The following CACNA1D variants were observed in gnomAD, a reference collection of about 807,000 sequenced individuals.
The protein encoded by CACNA1D is voltage-dependent L-type calcium channel subunit alpha-1D.
CACNA1D carries 55 observed loss-of-function variants against 257.1 expected under a neutral mutation model. The observed-to-expected ratio is 0.21, with a 90% CI of 0.17 to 0.27. The LOEUF is 0.27. Among genes scored for constraint, CACNA1D ranks in the 10% least tolerant of loss-of-function variants. CACNA1D has a pLI of 1.00. For missense variants in CACNA1D, 1,876 were observed against 2,784.0 expected, an observed-to-expected ratio of 0.67 and a Z score of 7.34; for synonymous variants, 980 against 1,014.9, an observed-to-expected ratio of 0.97 and a Z score of 0.65.
intron 3 of CACNA1D, among the ~76,000 whole-genome samples, chr3:53,537,406 T>G (rs2092145428): frequency 6.6e-6 from 1 of 152,206 alleles, no homozygotes; most frequent in African/African-American, 2.4e-5. Context: ...CTGTATTATT[T>G]TGAAGCAAAT....
intron 3 of CACNA1D, among the ~76,000 whole-genome samples, chr3:53,554,113 G>A (rs1367127339): frequency 2.6e-5 from 4 of 151,516 alleles, no homozygotes; most frequent in South Asian, 2.1e-4. Context: ...GGAGAATGGC[G>A]TGAACCCGGG....
intron 4 of CACNA1D, 118 bp downstream of exon 4, chr3:53,651,036 G>A: frequency 1.1e-6 from 1 of 912,744 alleles, no homozygotes; most frequent in Non-Finnish European, 1.8e-6. Flanking sequence ...TATGCCAGCT[G>A]TTGCACCAGA....
Position 53,495,038 on chromosome 3 carries a change from CTG to C in CACNA1D, c.-128_-127del. ...TTTGTCCCCGTCCCTCCCCACCCCCCTGCTGAAGCGAGAATAAGGGCAGGGAC... is the reference window on the plus strand; with the variant it reads ...TTTGTCCCCGTCCCTCCCCACCCCCCCTGAAGCGAGAATAAGGGCAGGGAC... On this transcript the variant is annotated 5_prime_UTR_variant, in exon 1 of 48. Coordinates refer to ENST00000350061, the MANE Select transcript of CACNA1D (RefSeq NM_001128840.3). This position sits in a 1 kb window ranked among gnomAD's most constrained non-coding sequence, Gnocchi z 5.1. 1.9e-6 allele frequency: 1 copy of C among 540,504 alleles called. No individual in the cohort carries two copies. The highest frequency in any genetic ancestry group is 3.7e-6 in the Non-Finnish European group (1 of 273,746). The allele number at this position is 540,504 out of a possible 1,614,324, so 33.5% of individuals were successfully genotyped here. A position where few individuals can be genotyped will look rare whatever the true frequency, so the allele number is the denominator to read the frequency against.
At chr3:53,576,312 T>C (rs1300251075) in intron 3 of CACNA1D, among the ~76,000 whole-genome samples, 1 of 152,238 alleles carries the variant, frequency 6.6e-6, no homozygotes, top group African/African-American at 2.4e-5. Flanking sequence ...TAAAACAAAA[T>C]GGCAACCAAT....
At chr3:53,606,139 A>C (rs2093507102) in intron 3 of CACNA1D, among the ~76,000 whole-genome samples, 1 of 152,266 alleles carries the variant, frequency 6.6e-6, no homozygotes. Flanking sequence ...TGCTGAAATC[A>C]GCTTTGCAGT....
Position 53,731,095 on chromosome 3 carries a change from TAAAAAG to T in CACNA1D, c.2358_2363del (p.Lys786_Lys787del), listed in dbSNP as rs2094987437. 3 of 1,608,878 alleles carry T rather than the reference TAAAAAG, an allele frequency of 1.9e-6. No individual in the cohort carries two copies. The highest frequency in any genetic ancestry group is 4.5e-5 in the East Asian group (2 of 44,856). On this transcript the variant is annotated inframe_deletion, in exon 17 of 48. Transcript: ENST00000350061. ...TCTTTAGAAAAGAGAGCCTAGAAAA[TAAAAAG>T]AACAACAAACCAGAAGTCAACCAGA...
intron 8 of CACNA1D, among the ~76,000 whole-genome samples, chr3:53,700,382 A>G (rs1376854366): frequency 6.6e-6 from 1 of 152,180 alleles, no homozygotes; most frequent in Admixed American, 6.5e-5. Context: ...GATGTATTTA[A>G]GAAAACAGAT....
At chr3:53,784,608 C>T (rs369246810) in intron 39 of CACNA1D, among the ~76,000 whole-genome samples, 53 of 152,234 alleles carry the variant, frequency 3.5e-4, no homozygotes, top group African/African-American at 1.1e-3. Context: ...CTAGAAGCAT[C>T]AGGGTGGAAT....
intron 3 of CACNA1D, among the ~76,000 whole-genome samples, chr3:53,520,703 T>C (rs1172941910): frequency 3.3e-5 from 5 of 151,798 alleles, no homozygotes; most frequent in Admixed American, 2.0e-4. Context: ...GAGGTGGAGG[T>C]TGCAGTGAGC....
chr3:53,700,317 T>A (rs2094611344), intron 8 of CACNA1D, among the ~76,000 whole-genome samples: 1 of 152,022 alleles, frequency 6.6e-6, no homozygotes, highest in Admixed American at 6.6e-5. Flanking sequence ...CAAACAGATT[T>A]GTACTAGGAT....
At chr3:53,524,390 T>C (rs1559789994) in intron 3 of CACNA1D, among the ~76,000 whole-genome samples, 1 of 152,248 alleles carries the variant, frequency 6.6e-6, no homozygotes, top group Non-Finnish European at 1.5e-5. Flanking sequence ...TGGAAAACAG[T>C]TCTTTCCAAA....
intron 3 of CACNA1D, among the ~76,000 whole-genome samples, chr3:53,538,409 G>A (rs1057347762): frequency 2.0e-5 from 3 of 152,066 alleles, no homozygotes; most frequent in Non-Finnish European, 2.9e-5. Context: ...CGTCCCCATC[G>A]GCCTCCCAAA....
intron 19 of CACNA1D, among the ~76,000 whole-genome samples, chr3:53,733,930 TTGTGTGTGTG>T (rs397961374): frequency 3.0e-5 from 4 of 134,034 alleles, no homozygotes; most frequent in South Asian, 2.3e-4. Context: ...GTGTGTGTGT[TTGTGTGTGTG>T]TGTGTGTGTG....
rs3774445 is a variant in CACNA1D at position 53,555,393 on chromosome 3, C to T, written c.483+53673C>T. ...GTGAAAGTGGCTGTGGTTGGTGGAC[C>T]TTCTGCCCTTTCCCCTATTGCTCTC... On this transcript the variant is annotated intron_variant, in intron 3 of 47. Transcript: ENST00000350061. Among the ~76,000 whole-genome samples the T allele has an allele frequency of 5.9e-4, 89 of 150,158 alleles. 1 individual carries two copies. The East Asian group carries it at 0.017, about 29-fold the overall frequency.
At chr3:53,805,297 C>T (rs2095556749) in intron 45 of CACNA1D, 151 bp downstream of exon 45, 1 of 692,176 alleles carries the variant, frequency 1.4e-6, no homozygotes, top group Non-Finnish European at 2.5e-6. Context: ...AGTGTGTCTG[C>T]TTTCCTTCCT....
At chr3:53,810,350 G>A (rs2095590481) in intron 47 of CACNA1D, 52 bp downstream of exon 47, 1 of 1,569,462 alleles carries the variant, frequency 6.4e-7, no homozygotes, top group East Asian at 2.2e-5. Context: ...AGCAGCAGAG[G>A]TGCAACTGTA....
chr3:53,524,139 G>A (rs1167231763), intron 3 of CACNA1D, among the ~76,000 whole-genome samples: 1 of 152,182 alleles, frequency 6.6e-6, no homozygotes, highest in African/African-American at 2.4e-5. Flanking sequence ...GGAGGATGGG[G>A]GGAAGGTGCT....
rs549771425 is a variant in CACNA1D at position 53,638,625 on chromosome 3, T to G, written c.484-12154T>G. Among the ~76,000 whole-genome samples, 6 of 152,304 alleles carry G rather than the reference T, an allele frequency of 3.9e-5. No individual in the cohort carries two copies. In the South Asian group the frequency reaches 1.2e-3, roughly 32 times the overall value. On this transcript the variant is annotated intron_variant, in intron 3 of 47. Coordinates refer to ENST00000350061, the MANE Select transcript of CACNA1D (RefSeq NM_001128840.3). ...CAACAAACCTGGGTAGCTTCTGGTG[T>G]CTGTATTCTCATTTTACAGTGAAGA...
rs1172488085 is a variant in CACNA1D at position 53,673,563 on chromosome 3, A to G, written c.1220+437A>G. On this transcript the variant is annotated intron_variant, in intron 8 of 47. Transcript: ENST00000350061. The surrounding 1 kb of genome is among the most constrained non-coding windows in gnomAD (Gnocchi z 4.1). ...CCGCTGAGCTTGTCCTTATTTGCAG[A>G]AAAAAAAAAAAAAAGGGAAGGACCT... The G allele has an allele frequency of 2.3e-4, 11 of 47,646 alleles. No homozygotes were observed. Among genetic ancestry groups the G allele is most frequent in the Admixed American group, 8.2e-4 (3 of 3,644 alleles). 3.0% of individuals were successfully genotyped at this position (47,646 alleles called of 1,614,324 possible).
Sources: allele counts gnomAD v4.1 joint callset (sites outside exome capture counted in the v4.1 genomes callset), GRCh38; gene constraint gnomAD v4.1.1; non-coding constraint Gnocchi (gnomAD v3.1); transcripts MANE v1.5; gene names NCBI Gene and HGNC (gene_info 2026-07-23, HGNC 2026-07-21).